Variants in NUP50 observed in about 807,000 individuals in gnomAD.
NUP50 encodes nucleoporin 50, also known as nuclear pore complex protein Nup50.
A neutral mutation model predicts 36.8 loss-of-function variants in NUP50; 14 were observed. The ratio of observed to expected loss-of-function variants is 0.38; its 90% CI spans 0.25 to 0.59. NUP50 has a LOEUF of 0.59. Ranked by LOEUF, NUP50 falls within the 20% of genes least tolerant of loss-of-function variation. NUP50 has a pLI of 0.63. For synonymous variants in NUP50, 195 were observed against 210.8 expected (o/e 0.93, Z 0.65); for missense variants, 455 against 564.6 (o/e 0.81, Z 1.97).
chr22:45,176,481 C>G (rs894091884), intron 4 of NUP50, among the ~76,000 whole-genome samples: 1 of 152,170 alleles, frequency 6.6e-6, no homozygotes, highest in Non-Finnish European at 1.5e-5. Flanking sequence ...AACTCAGATG[C>G]GGTTCTCCGT....
chr22:45,167,041 G>C (rs1021345142), intron 1 of NUP50, among the ~76,000 whole-genome samples: 9 of 152,288 alleles, frequency 5.9e-5, no homozygotes, highest in Admixed American at 1.3e-4. Context: ...ATACTAAAGA[G>C]TGATATGTCA....
chr22:45,182,334 GGGA>G (rs1437324197), intron 6 of NUP50, among the ~76,000 whole-genome samples: 1 of 152,070 alleles, frequency 6.6e-6, no homozygotes, highest in Non-Finnish European at 1.5e-5. Context: ...CCAGCTGTTT[GGGA>G]GGCTGAGGCA....
intron 3 of NUP50, among the ~76,000 whole-genome samples, chr22:45,174,794 A>C (rs1365803365): frequency 6.6e-6 from 1 of 152,192 alleles, no homozygotes; most frequent in Non-Finnish European, 1.5e-5. Context: ...ATTAAAACTC[A>C]TACAAGTTAC....
chr22:45,183,645 ATTTAC>A (rs1447575917), intron 7 of NUP50, 125 bp downstream of exon 7: 6 of 683,086 alleles, frequency 8.8e-6, no homozygotes, highest in East Asian at 5.1e-5. Flanking sequence ...TTCATCCTGT[ATTTAC>A]TTATTTATAG....
At chr22:45,168,540 T>C (rs537961355) in intron 2 of NUP50, among the ~76,000 whole-genome samples, 1 of 152,346 alleles carries the variant, frequency 6.6e-6, no homozygotes, top group South Asian at 2.1e-4. Flanking sequence ...GAGTTTCGTA[T>C]ACTTGAAGCA....
rs538667885 is a variant in NUP50, at chr22:45,181,319, A to T, written c.1037A>T (p.Lys346Ile). 9 of 1,594,740 alleles carry T rather than the reference A, an allele frequency of 5.6e-6. No homozygotes were observed. Among genetic ancestry groups the T allele is most frequent in the Middle Eastern group, 1.7e-4 (1 of 5,970 alleles). The change falls in exon 6 of 8, where the codon AAA (lysine) becomes ATA (isoleucine). Residue 346 changes from lysine (K) to isoleucine (I), a missense_variant. Coordinates refer to ENST00000347635, the MANE Select transcript of NUP50 (RefSeq NM_007172.4). ...GAAGAAGAGAATGATGAGCCACCCA[A>T]AGTAGTAGTTACCGAAGTAAAAGAA... is the stretch of plus-strand genomic sequence containing the variant. Reference protein sequence around the residue: ...GDEEENDEPPKVVVTEVKEED... With the variant: ...GDEEENDEPPIVVVTEVKEED...
intron 2 of NUP50, 95 bp downstream of exon 2, chr22:45,168,341 G>C: frequency 2.3e-6 from 2 of 867,984 alleles, no homozygotes; most frequent in Non-Finnish European, 3.7e-6. Context: ...AGAACTAAAA[G>C]ACCTTTCTAA....
At chr22:45,179,201 T>G (rs2074327475) in intron 5 of NUP50, 1 of 268,476 alleles carries the variant, frequency 3.7e-6, no homozygotes, top group Non-Finnish European at 7.0e-6. Flanking sequence ...ATTAAAGACG[T>G]TTTTTGAAAA....
chr22:45,179,199 C>T (rs1031735716), intron 5 of NUP50: 6 of 268,210 alleles, frequency 2.2e-5, no homozygotes, highest in African/African-American at 4.4e-5. Flanking sequence ...GAATTAAAGA[C>T]GTTTTTTGAA....
At chr22:45,168,898 A>ATTTTTTTT (rs34675932) in intron 2 of NUP50, among the ~76,000 whole-genome samples, 1 of 132,010 alleles carries the variant, frequency 7.6e-6, no homozygotes. Flanking sequence ...TATAAAAAAA[A>ATTTTTTTT]TTTTTTTTTT....
intron 1 of NUP50, chr22:45,165,059 C>T (rs1332702884): frequency 6.6e-6 from 1 of 152,154 alleles, no homozygotes; most frequent in East Asian, 1.9e-4. Flanking sequence ...GTGATGTTGA[C>T]AAGTTGAGCT....
chr22:45,183,587 G>A, intron 7 of NUP50, 67 bp downstream of exon 7: 1 of 976,982 alleles, frequency 1.0e-6, no homozygotes, highest in Non-Finnish European at 1.7e-6. Flanking sequence ...TTACCCTGCT[G>A]ACTCAAGGTT....
chr22:45,179,103 T>C (rs1042016991), intron 5 of NUP50: 12 of 483,662 alleles, frequency 2.5e-5, no homozygotes, highest in Non-Finnish European at 4.3e-5. Flanking sequence ...TAGGGTTGTT[T>C]ATAAGGATTA....
At chr22:45,175,099 A>C (rs1280427738) in intron 3 of NUP50, among the ~76,000 whole-genome samples, 2 of 152,224 alleles carry the variant, frequency 1.3e-5, no homozygotes, top group African/African-American at 4.8e-5. Flanking sequence ...GAACAACAAC[A>C]AAAAAGGGCT....
At chr22:45,176,678 G>A (rs1239175979) in intron 4 of NUP50, among the ~76,000 whole-genome samples, 1 of 152,156 alleles carries the variant, frequency 6.6e-6, no homozygotes, top group East Asian at 1.9e-4. Context: ...AGTATATACT[G>A]TTTGATTTTA....
At chr22:45,165,956 A>G (rs1465416371) in intron 1 of NUP50, 2 of 152,182 alleles carry the variant, frequency 1.3e-5, no homozygotes, top group South Asian at 2.1e-4. Flanking sequence ...ATCTTTTAGT[A>G]TTTTTTGAAA....
chr22:45,168,365 G>T, intron 2 of NUP50, 119 bp downstream of exon 2: 1 of 684,226 alleles, frequency 1.5e-6, no homozygotes, highest in Non-Finnish European at 2.5e-6. Flanking sequence ...CATCATGAAT[G>T]GGAGATGACA....
In NUP50 at chr22:45,187,293, AAAG is replaced by A. The variant is rs2083459018; in HGVS notation, c.*2642_*2644del. ...GACTGAAAAAATATGGCCAGTTTTT[AAAG>A]AAGTTTAGATTATGTTTTCCATGGA... On this transcript the variant is annotated 3_prime_UTR_variant, in exon 8 of 8. Transcript: ENST00000347635. 6.6e-6 allele frequency: 1 copy of A among 152,044 alleles called. No individual in the cohort carries two copies. The allele number at this position is 152,044 out of a possible 1,614,324, so 9.4% of individuals were successfully genotyped here.
chr22:45,177,499 G>C (rs1011043329), intron 4 of NUP50, among the ~76,000 whole-genome samples: 2 of 152,126 alleles, frequency 1.3e-5, no homozygotes, highest in Non-Finnish European at 2.9e-5. Flanking sequence ...CATTTCACAG[G>C]TGTAGAACCT....
Sources: gnomAD v4.1 joint callset for allele counts (sites outside exome capture counted in the v4.1 genomes callset) on GRCh38, gnomAD v4.1.1 for gene constraint, MANE v1.5 for transcripts, NCBI Gene and HGNC (gene_info 2026-07-23, HGNC 2026-07-21) for gene names.